TRAP1: variants seen among roughly 807,000 people sequenced by gnomAD.
TRAP1 encodes TNF receptor associated protein 1.
Under a neutral mutation model 89.1 loss-of-function variants are expected in TRAP1, and 102 were observed. That is an observed-to-expected ratio of 1.15 (90% CI 0.98 to 1.35). The LOEUF (loss-of-function observed/expected upper bound fraction) is 1.35, where lower values mean the gene tolerates loss of function less well. Ranked by LOEUF, TRAP1 falls within the 40% of genes most tolerant of loss-of-function variation. TRAP1 has a pLI of 0.00. For synonymous variants in TRAP1, 508 were observed against 388.0 expected, an observed-to-expected ratio of 1.31 and a Z score of -3.64; for missense variants, 1,256 against 945.3, an observed-to-expected ratio of 1.33 and a Z score of -4.31.
rs1321452580 is a variant in TRAP1 at position 3,717,493 on chromosome 16, G to C, written c.16C>G (p.Arg6Gly). ...CGGCGGCCCCACAGCAGCAGCGCCCGCAGCTCGCGCGCCATGTCGTACTCC... is the reference window on the plus strand; with the variant it reads ...CGGCGGCCCCACAGCAGCAGCGCCCCCAGCTCGCGCGCCATGTCGTACTCC... MAREL[R>G]ALLLWGRRLR... The change falls in exon 1 of 18, where the codon CGG (arginine) becomes GGG (glycine). Residue 6 changes from arginine to glycine, a missense_variant. Coordinates refer to ENST00000246957, the MANE Select transcript of TRAP1 (RefSeq NM_016292.3). The C allele has an allele frequency of 7.4e-7, 1 of 1,344,538 alleles. No homozygotes were observed. The highest frequency in any genetic ancestry group is 9.5e-7 in the Non-Finnish European group (1 of 1,050,762). The allele number at this position is 1,344,538 out of a possible 1,614,324, so 83.3% of individuals were successfully genotyped here. A position where few individuals can be genotyped will look rare whatever the true frequency, so the allele number is the denominator to read the frequency against.
chr16:3,689,809 G>C (rs576998055), intron 2 of TRAP1: 2 of 152,246 alleles, frequency 1.3e-5, no homozygotes, highest in African/African-American at 2.4e-5. Flanking sequence ...TACAGCACTC[G>C]GCCTGGGTGA....
At chr16:3,684,043 G>A (rs1024115805) in intron 4 of TRAP1, among the ~76,000 whole-genome samples, 10 of 151,992 alleles carry the variant, frequency 6.6e-5, no homozygotes, top group African/African-American at 2.4e-4. Context: ...GCATGTGCCT[G>A]TAAACCCAGC....
At chr16:3,692,437 G>A (rs1446041722) in intron 1 of TRAP1, among the ~76,000 whole-genome samples, 1 of 151,550 alleles carries the variant, frequency 6.6e-6, no homozygotes, top group South Asian at 2.1e-4. Flanking sequence ...TCGGGAGACT[G>A]AGGCAGGGGA....
rs1278635433 is a variant in TRAP1 at position 3,666,407 on chromosome 16, G to C, written c.1236-289C>G. 5.9e-5 allele frequency among the ~76,000 whole-genome samples: 9 copies of C among 152,252 alleles called. No individual in the cohort carries two copies. In the East Asian group the frequency reaches 1.2e-3, roughly 20 times the overall value. The stretch of plus-strand genomic sequence containing the variant: ...GAAAACCCTTCCAACCTTTGAGCCA[G>C]TTGTTCCAATTATAGGAACTGCACC... On this transcript the variant is annotated intron_variant, in intron 11 of 17. Coordinates refer to ENST00000246957, the MANE Select transcript of TRAP1 (RefSeq NM_016292.3).
chr16:3,707,906 C>T (rs2051472539), intron 1 of TRAP1, among the ~76,000 whole-genome samples: 1 of 151,090 alleles, frequency 6.6e-6, no homozygotes, highest in African/African-American at 2.4e-5. Flanking sequence ...AACTGGGGGC[C>T]AGGCACGACG....
chr16:3,699,026 G>A (rs559436519), intron 1 of TRAP1, among the ~76,000 whole-genome samples: 2 of 152,292 alleles, frequency 1.3e-5, no homozygotes, highest in Non-Finnish European at 2.9e-5. Context: ...AAACCTCAAT[G>A]TCAGGCTACA....
chr16:3,713,917 G>A (rs570450252), intron 1 of TRAP1, among the ~76,000 whole-genome samples: 3 of 152,354 alleles, frequency 2.0e-5, no homozygotes, highest in Non-Finnish European at 2.9e-5. Context: ...GAGGAATGCA[G>A]GATGAGGCTC....
At chr16:3,700,842 T>G (rs2051355632) in intron 1 of TRAP1, among the ~76,000 whole-genome samples, 1 of 151,800 alleles carries the variant, frequency 6.6e-6, no homozygotes, top group African/African-American at 2.4e-5. Flanking sequence ...AAGCATTAGA[T>G]AAACCACAAT....
chr16:3,697,021 C>T (rs2051297092), intron 1 of TRAP1, among the ~76,000 whole-genome samples: 1 of 152,182 alleles, frequency 6.6e-6, no homozygotes, highest in African/African-American at 2.4e-5. Flanking sequence ...ACACCACGCC[C>T]AGCCTAAGGT....
intron 14 of TRAP1, 40 bp from the exon 15 acceptor site, chr16:3,663,007 C>T (rs1160820470): frequency 2.0e-6 from 3 of 1,521,848 alleles, no homozygotes; most frequent in Admixed American, 1.9e-5. Flanking sequence ...GGCCTGCATC[C>T]CAACTCCCCG....
intron 1 of TRAP1, chr16:3,710,338 T>C (rs918793936): frequency 3.3e-5 from 5 of 152,206 alleles, no homozygotes; most frequent in Admixed American, 2.0e-4. Context: ...CAGACAGACC[T>C]GCAAGTTAAG....
chr16:3,667,442 GGT>G (rs1462625300), intron 11 of TRAP1, among the ~76,000 whole-genome samples: 1 of 151,848 alleles, frequency 6.6e-6, no homozygotes, highest in Non-Finnish European at 1.5e-5. Flanking sequence ...TGGTCAACAT[GGT>G]AAGCCCCCGT....
At chr16:3,693,553 A>T (rs2051245397) in intron 1 of TRAP1, among the ~76,000 whole-genome samples, 1 of 152,152 alleles carries the variant, frequency 6.6e-6, no homozygotes, top group South Asian at 2.1e-4. Flanking sequence ...CCAAGTGCCA[A>T]CACCTGCCCA....
At chr16:3,659,150 T>G in intron 16 of TRAP1, 1 of 327,852 alleles carries the variant, frequency 3.1e-6, no homozygotes. Flanking sequence ...CATGCCTTGG[T>G]TCCTAGATAA....
rs774744462 is a variant in TRAP1 at position 3,671,705 on chromosome 16, C to T, written c.1235+17G>A. The T allele has an allele frequency of 6.0e-5, 96 of 1,611,136 alleles. No homozygotes were observed. In the South Asian group the frequency reaches 6.5e-4, roughly 11 times the overall value. ...CTTGTCCCCAGCAGGGTCCTCTCCC[C>T]GCGGCCCGAGGCTCACCTGATGAGT... is the stretch of plus-strand genomic sequence containing the variant. On this transcript the variant is annotated intron_variant, in intron 11 of 17. Transcript: ENST00000246957.
chr16:3,703,678 T>G (rs1368551481), intron 1 of TRAP1, among the ~76,000 whole-genome samples: 1 of 151,958 alleles, frequency 6.6e-6, no homozygotes, highest in Non-Finnish European at 1.5e-5. Context: ...TTGGACTACA[T>G]ATATCAATAA....
In TRAP1 at chr16:3,662,927, C is replaced by T. The variant is rs2151240681; in HGVS notation, c.1749G>A (p.Met583Ile). ...CLSEKETEEL[M>I]AWMRNVLGSR... The stretch of plus-strand genomic sequence containing the variant: ...ACCCCAGCACATTTCTCATCCAGGC[C>T]ATGAGCTCCTCCGTCTCCTTCTCTG... Residue 583 changes from methionine to isoleucine, a missense_variant, in exon 15 of 18, where the codon ATG (methionine) becomes ATA (isoleucine). Transcript: ENST00000246957. 1 of 1,613,096 alleles carries T rather than the reference C, an allele frequency of 6.2e-7. No homozygotes were observed. Among genetic ancestry groups the T allele is most frequent in the East Asian group, 2.2e-5 (1 of 44,880 alleles).
At chr16:3,663,635 G>A in intron 13 of TRAP1, 73 bp from the exon 14 acceptor site, 3 of 1,590,282 alleles carry the variant, frequency 1.9e-6, no homozygotes, top group Non-Finnish European at 2.6e-6. Context: ...GATGAGGGCG[G>A]CAGGAGGGCT....
chr16:3,664,509 T>C, intron 12 of TRAP1, 50 bp from the exon 13 acceptor site: 2 of 1,552,128 alleles, frequency 1.3e-6, no homozygotes, highest in Non-Finnish European at 1.7e-6. Flanking sequence ...ATGGGCTCAA[T>C]GTTGCCCAAC....
Sources: gnomAD v4.1 joint callset for allele counts (sites outside exome capture counted in the v4.1 genomes callset) on GRCh38, gnomAD v4.1.1 for gene constraint, MANE v1.5 for transcripts, NCBI Gene and HGNC (gene_info 2026-07-23, HGNC 2026-07-21) for gene names.